CTNNA3: variants seen among roughly 807,000 people sequenced by gnomAD.
CTNNA3 encodes catenin alpha-3.
CTNNA3 carries 76 observed loss-of-function variants against 95.7 expected under a neutral mutation model. That is an observed-to-expected ratio of 0.79 (90% CI 0.66 to 0.96). The LOEUF (loss-of-function observed/expected upper bound fraction) is 0.96, where lower values mean the gene tolerates loss of function less well. CTNNA3 is among the 40% of genes least tolerant of loss of function. CTNNA3 has a pLI of 0.00. For missense variants in CTNNA3, 1,191 were observed against 1,089.8 expected, an observed-to-expected ratio of 1.09 and a Z score of -1.31; for synonymous variants, 431 against 374.4, an observed-to-expected ratio of 1.15 and a Z score of -1.74.
intron 1 of CTNNA3, among the ~76,000 whole-genome samples, chr10:67,726,556 A>ATTACATATT: frequency 1.6e-5 from 1 of 61,280 alleles, no homozygotes; most frequent in African/African-American, 9.0e-5. Context: ...CATATTATAT[A>ATTACATATT]ATATAATATA....
chr10:66,063,285 T>C (rs1471130691), intron 15 of CTNNA3, among the ~76,000 whole-genome samples: 2 of 144,960 alleles, frequency 1.4e-5, no homozygotes, highest in Non-Finnish European at 3.0e-5. Context: ...CAGTTGGATA[T>C]GTATGTATAA....
At chr10:67,009,162 T>C (rs775492364) in intron 7 of CTNNA3, among the ~76,000 whole-genome samples, 5 of 152,168 alleles carry the variant, frequency 3.3e-5, no homozygotes, top group Non-Finnish European at 4.4e-5. Context: ...AGAATGCCAT[T>C]AAAATCATAT....
chr10:66,985,787 C>T (rs973887444), intron 7 of CTNNA3, among the ~76,000 whole-genome samples: 2 of 152,068 alleles, frequency 1.3e-5, no homozygotes, highest in African/African-American at 4.8e-5. Flanking sequence ...GAGTGCAGTA[C>T]CATGATCTCA....
chr10:67,017,794 G>A (rs1484752034), intron 7 of CTNNA3, among the ~76,000 whole-genome samples: 1 of 151,812 alleles, frequency 6.6e-6, no homozygotes, highest in Non-Finnish European at 1.5e-5. Context: ...TTTTGAGATG[G>A]AGTCTCACTC....
intron 12 of CTNNA3, among the ~76,000 whole-genome samples, chr10:66,332,897 A>G (rs1009832319): frequency 2.6e-5 from 4 of 152,064 alleles, no homozygotes; most frequent in African/African-American, 7.2e-5. Context: ...TATTGCTTCA[A>G]TTTCAGAGCC....
rs552552469 is a variant in CTNNA3 at position 66,666,810 on chromosome 10, A to G, written c.1282-45026T>C. 7.5e-3 allele frequency among the ~76,000 whole-genome samples: 642 copies of G among 85,178 alleles called. 3 individuals are homozygous for G. The highest frequency in any genetic ancestry group is 0.034 in the African/African-American group (608 of 18,090). The allele number at this position is 85,178 out of a possible 152,430, so 55.9% of individuals were successfully genotyped here. A position where few individuals can be genotyped will look rare whatever the true frequency, so the allele number is the denominator to read the frequency against. On this transcript the variant is annotated intron_variant, in intron 9 of 17. Transcript: ENST00000433211. Reference sequence around the variant, plus strand: ...GAAAACTGGTTCTTGGGGAAAAAAAACTTACTTTTTTAATGTATAAAGCAC... The same window carrying G: ...GAAAACTGGTTCTTGGGGAAAAAAAGCTTACTTTTTTAATGTATAAAGCAC...
intron 17 of CTNNA3, among the ~76,000 whole-genome samples, chr10:65,961,674 A>G (rs2077847553): frequency 6.6e-6 from 1 of 152,100 alleles, no homozygotes; most frequent in Non-Finnish European, 1.5e-5. Context: ...GGATTAACAC[A>G]CAAACAAACA....
At chr10:66,393,253 C>T (rs1266629511) in intron 11 of CTNNA3, among the ~76,000 whole-genome samples, 2 of 151,976 alleles carry the variant, frequency 1.3e-5, no homozygotes, top group South Asian at 2.1e-4. Flanking sequence ...GGGGATTTTT[C>T]CAGATGGTAA....
chr10:65,983,125 C>G (rs560058593), intron 16 of CTNNA3, among the ~76,000 whole-genome samples: 3 of 151,756 alleles, frequency 2.0e-5, no homozygotes, highest in African/African-American at 2.4e-5. Flanking sequence ...TTAGAATTAG[C>G]TGCCAATGTA....
intron 16 of CTNNA3, among the ~76,000 whole-genome samples, chr10:65,981,492 A>G (rs1159445168): frequency 6.6e-6 from 1 of 152,046 alleles, no homozygotes; most frequent in Non-Finnish European, 1.5e-5. Context: ...AGTTAGAAAA[A>G]ACAATCCTAA....
intron 5 of CTNNA3, among the ~76,000 whole-genome samples, chr10:67,251,262 T>C (rs1338482025): frequency 1.3e-5 from 2 of 152,156 alleles, no homozygotes; most frequent in Non-Finnish European, 2.9e-5. Flanking sequence ...TTAGTTTCTA[T>C]GAAATGTCTC....
intron 7 of CTNNA3, among the ~76,000 whole-genome samples, chr10:67,018,272 T>C (rs192076220): frequency 6.6e-6 from 1 of 152,120 alleles, no homozygotes; most frequent in African/African-American, 2.4e-5. Context: ...CTACAGCAAA[T>C]GTCTATGTTT....
chr10:66,795,183 A>G (rs1198873770), intron 7 of CTNNA3, among the ~76,000 whole-genome samples: 1 of 152,184 alleles, frequency 6.6e-6, no homozygotes, highest in Non-Finnish European at 1.5e-5. Flanking sequence ...AAAGTTTTCA[A>G]TTAACTTTGC....
intron 7 of CTNNA3, among the ~76,000 whole-genome samples, chr10:66,952,059 T>C (rs1848564591): frequency 6.6e-6 from 1 of 152,298 alleles, no homozygotes; most frequent in South Asian, 2.1e-4. Context: ...AAGCCTAATA[T>C]GGGAAACAAG....
chr10:67,045,618 G>A (rs886972825), intron 7 of CTNNA3, among the ~76,000 whole-genome samples: 5 of 152,082 alleles, frequency 3.3e-5, no homozygotes, highest in African/African-American at 1.2e-4. Context: ...CTGCCTTTGC[G>A]GCCAGACCCC....
intron 12 of CTNNA3, among the ~76,000 whole-genome samples, chr10:66,283,304 T>C (rs79678929): frequency 0.072 from 10,957 of 151,878 alleles, 512 homozygotes; most frequent in Admixed American, 0.12. Flanking sequence ...CATAACTTTA[T>C]TCATAGTCAT....
intron 13 of CTNNA3, among the ~76,000 whole-genome samples, chr10:66,192,025 C>A (rs1250328246): frequency 6.6e-6 from 1 of 152,176 alleles, no homozygotes. Flanking sequence ...ATCAAAAAGG[C>A]CTTCACCAGA....
chr10:66,215,484 C>T (rs893127327), intron 13 of CTNNA3, among the ~76,000 whole-genome samples: 2 of 152,106 alleles, frequency 1.3e-5, no homozygotes, highest in South Asian at 2.1e-4. Flanking sequence ...TGAAAATATA[C>T]AATGACTCCA....
chr10:66,924,530 G>A (rs568854793), intron 7 of CTNNA3, among the ~76,000 whole-genome samples: 1 of 152,270 alleles, frequency 6.6e-6, no homozygotes, highest in South Asian at 2.1e-4. Context: ...TAAAGATAAA[G>A]TTCAGATGAT....
Sources: gnomAD v4.1 joint callset for allele counts (sites outside exome capture counted in the v4.1 genomes callset) on GRCh38, gnomAD v4.1.1 for gene constraint, MANE v1.5 for transcripts, NCBI Gene and HGNC (gene_info 2026-07-23, HGNC 2026-07-21) for gene names.